DYNC2H1: variants seen among roughly 807,000 people sequenced by gnomAD.
The protein encoded by DYNC2H1 is cytoplasmic dynein 2 heavy chain 1.
A neutral mutation model predicts 570.0 loss-of-function variants in DYNC2H1; 410 were observed. The observed-to-expected ratio is 0.72, with a 90% CI of 0.66 to 0.78. The LOEUF is 0.78. Ranked by LOEUF, DYNC2H1 falls within the 30% of genes least tolerant of loss-of-function variation. DYNC2H1 has a pLI of 0.00. For missense variants in DYNC2H1, 4,865 were observed against 5,046.4 expected (o/e 0.96, Z 1.09); for synonymous variants, 1,688 against 1,677.6 (o/e 1.01, Z -0.15).
At chr11:103,153,613 A>T in intron 22 of DYNC2H1, 105 bp downstream of exon 22, 1 of 1,016,812 alleles carries the variant, frequency 9.8e-7, no homozygotes, top group Non-Finnish European at 1.4e-6. Context: ...TTCCTCATAA[A>T]CTTCATCACT....
At chr11:103,304,532 T>A (rs956083066) in intron 76 of DYNC2H1, 63 bp from the exon 77 acceptor site, 12 of 1,536,470 alleles carry the variant, frequency 7.8e-6, no homozygotes, top group Non-Finnish European at 9.7e-6. Context: ...AATCTCATAC[T>A]GTTATATTAC....
intron 34 of DYNC2H1, 23 bp from the exon 35 acceptor site, chr11:103,173,059 A>G (rs1455913610): frequency 6.2e-6 from 7 of 1,137,352 alleles, no homozygotes; most frequent in Non-Finnish European, 8.0e-6. Flanking sequence ...TATTTAAATT[A>G]ATATTTTTAA....
At chr11:103,296,070 C>T (rs1378825768) in intron 75 of DYNC2H1, among the ~76,000 whole-genome samples, 5 of 152,132 alleles carry the variant, frequency 3.3e-5, no homozygotes, top group African/African-American at 1.2e-4. Flanking sequence ...GCTGTGCTGC[C>T]TGTGGTTGGG....
chr11:103,113,700 T>C lies in DYNC2H1; in HGVS notation c.359T>C (p.Leu120Ser). 2 of 1,511,832 alleles carry C rather than the reference T, an allele frequency of 1.3e-6. No individual in the cohort carries two copies. Among genetic ancestry groups the C allele is most frequent in the Non-Finnish European group, 1.8e-6 (2 of 1,138,960 alleles). The allele number at this position is 1,511,832 out of a possible 1,614,324, so 93.7% of individuals were successfully genotyped here. A position where few individuals can be genotyped will look rare whatever the true frequency, so the allele number is the denominator to read the frequency against. The change falls in exon 2 of 89, where the codon TTG becomes TCG. Residue 120 changes from leucine (L) to serine (S), a missense_variant. This residue lies in a region of DYNC2H1 where 1,936 missense variants were observed against 1,962.1 expected (regional missense o/e 0.99). Coordinates refer to ENST00000375735, the MANE Select transcript of DYNC2H1 (RefSeq NM_001377.3). ...GTACGGCAAGTATTCGCACCAATGTTGTTAAAGGTGAGAAAAGAAGCTGTC... is the reference window on the plus strand; with the variant it reads ...GTACGGCAAGTATTCGCACCAATGTCGTTAAAGGTGAGAAAAGAAGCTGTC... ...QAVRQVFAPM[L>S]LKDQEWSRNF...
chr11:103,115,819 A>G lies in DYNC2H1; in HGVS notation c.621+524A>G, dbSNP rs1214764698. Among the ~76,000 whole-genome samples the G allele has an allele frequency of 3.9e-5, 6 of 152,224 alleles. No homozygotes were observed. The East Asian group carries it at 1.2e-3, about 29-fold the overall frequency. On this transcript the variant is annotated intron_variant, in intron 4 of 88. Coordinates refer to ENST00000375735, the MANE Select transcript of DYNC2H1 (RefSeq NM_001377.3). The stretch of plus-strand genomic sequence containing the variant: ...AACAAAAAACAAAAAAAACCCCAAA[A>G]TTACTTTTCTGCAGGTATATAGTGA...
In DYNC2H1 at chr11:103,145,377, T is replaced by C. The variant is rs1860188912; in HGVS notation, c.2702+1982T>C. ...GTTTAAAGTAAGGAAAAGATAGTGC[T>C]TTTGTAGTGCTTGCACATGGGGTTT... On this transcript the variant is annotated intron_variant, in intron 18 of 88. Coordinates refer to ENST00000375735, the MANE Select transcript of DYNC2H1 (RefSeq NM_001377.3). The surrounding 1 kb of genome is among the most constrained non-coding windows in gnomAD (Gnocchi z 4.2). Among the ~76,000 whole-genome samples, 1 of 152,170 alleles carries C rather than the reference T, an allele frequency of 6.6e-6. No homozygotes were observed. The highest frequency in any genetic ancestry group is 1.5e-5 in the Non-Finnish European group (1 of 68,032).
Position 103,257,720 on chromosome 11 carries a change from G to A in DYNC2H1, c.10574G>A (p.Arg3525Gln), listed in dbSNP as rs760508083. 9.4e-6 allele frequency: 15 copies of A among 1,603,512 alleles called. No individual in the cohort carries two copies. Among genetic ancestry groups the A allele is most frequent in the South Asian group, 2.2e-5 (2 of 89,230 alleles). ...CGTTTTAGTTTGGCTGCTTTTCTCC[G>A]ACTTTTCCAACGAGCTCTACAAAAC... is the stretch of plus-strand genomic sequence containing the variant. ...MYRFSLAAFL[R>Q]LFQRALQNKQ... The change falls in exon 69 of 89, where the codon CGA becomes CAA. Residue 3525 changes from arginine (R) to glutamine (Q), a missense_variant. By Grantham distance (43) the Arg-to-Gln change is conservative. This residue lies in a region of DYNC2H1 where 2,401 missense variants were observed against 2,454.6 expected (regional missense o/e 0.98). Coordinates refer to ENST00000375735, the MANE Select transcript of DYNC2H1 (RefSeq NM_001377.3).
At chr11:103,131,301 C>A (rs1859254080) in intron 13 of DYNC2H1, among the ~76,000 whole-genome samples, 1 of 148,988 alleles carries the variant, frequency 6.7e-6, no homozygotes, top group Non-Finnish European at 1.5e-5. Flanking sequence ...TCCCAATATT[C>A]TTTTTTTTTT....
chr11:103,203,639 A>T lies in DYNC2H1; in HGVS notation c.8198-24A>T. The T allele has an allele frequency of 7.0e-7, 1 of 1,422,282 alleles. No individual in the cohort carries two copies. The highest frequency in any genetic ancestry group is 9.6e-7 in the Non-Finnish European group (1 of 1,036,794). 88.1% of individuals were successfully genotyped at this position (1,422,282 alleles called of 1,614,324 possible). A position where few individuals can be genotyped will look rare whatever the true frequency, so the allele number is the denominator to read the frequency against. On this transcript the variant is annotated intron_variant, in intron 50 of 88. Transcript: ENST00000375735. This position sits in a 1 kb window ranked among gnomAD's most constrained non-coding sequence, Gnocchi z 4.7. ...AAGCATCATTTATTAAAATGTTTTC[A>T]ATTAGTCTAATATTTTTCTGTAGGT...
At chr11:103,258,110 T>C (rs748186744) in intron 69 of DYNC2H1, among the ~76,000 whole-genome samples, 2 of 152,208 alleles carry the variant, frequency 1.3e-5, no homozygotes, top group Non-Finnish European at 2.9e-5. Flanking sequence ...TATATATCCT[T>C]GTTGTTTAAG....
At chr11:103,417,422 G>A (rs1943326307) in intron 84 of DYNC2H1, among the ~76,000 whole-genome samples, 1 of 152,042 alleles carries the variant, frequency 6.6e-6, no homozygotes. Context: ...TTTTTAAAAA[G>A]CCAACAAAGA....
At chr11:103,389,638 C>G (rs1484482491) in intron 83 of DYNC2H1, among the ~76,000 whole-genome samples, 1 of 151,886 alleles carries the variant, frequency 6.6e-6, no homozygotes, top group Admixed American at 6.6e-5. Context: ...GCATTTAGTG[C>G]TATAAATTTC....
rs983462691 is a variant in DYNC2H1, at chr11:103,283,076, A to G, written c.10881A>G (p.Ala3627=). Residue 3627 remains alanine, a synonymous_variant, in exon 73 of 89, where the codon GCA becomes GCG. Coordinates refer to ENST00000375735, the MANE Select transcript of DYNC2H1 (RefSeq NM_001377.3). ...WIDQERSWAV[A]TLKIALPSLY... is the part of the protein sequence containing the mutation. ...ATCAGGAACGAAGCTGGGCCGTGGCAACATTAAAGGTATTCCTTTTCTACT... is the reference window on the plus strand; with the variant it reads ...ATCAGGAACGAAGCTGGGCCGTGGCGACATTAAAGGTATTCCTTTTCTACT... 2.5e-6 allele frequency: 4 copies of G among 1,606,570 alleles called. No homozygotes were observed. Among genetic ancestry groups the G allele is most frequent in the Admixed American group, 3.4e-5 (2 of 59,534 alleles).
chr11:103,374,247 G>C (rs571209334), intron 83 of DYNC2H1, among the ~76,000 whole-genome samples: 1 of 152,114 alleles, frequency 6.6e-6, no homozygotes, highest in Non-Finnish European at 1.5e-5. Context: ...TGAATCATGG[G>C]GGGTGGTTTT....
chr11:103,398,650 A>G (rs1942492825), intron 83 of DYNC2H1, among the ~76,000 whole-genome samples: 1 of 152,208 alleles, frequency 6.6e-6, no homozygotes, highest in Non-Finnish European at 1.5e-5. Context: ...TAGGTAAGAG[A>G]ATAGCACTTT....
At chr11:103,224,827 C>T (rs1163992730) in intron 59 of DYNC2H1, among the ~76,000 whole-genome samples, 6 of 152,222 alleles carry the variant, frequency 3.9e-5, no homozygotes, top group Non-Finnish European at 7.3e-5. Flanking sequence ...AATCTCCACA[C>T]TGTTTTCCAC....
chr11:103,224,270 A>G (rs758171015), intron 59 of DYNC2H1, among the ~76,000 whole-genome samples: 2 of 152,140 alleles, frequency 1.3e-5, no homozygotes, highest in African/African-American at 2.4e-5. Context: ...AAAAATTTCA[A>G]TAGGTTTTTG....
chr11:103,211,261 C>T (rs1437944857), intron 53 of DYNC2H1, among the ~76,000 whole-genome samples: 1 of 151,590 alleles, frequency 6.6e-6, no homozygotes, highest in East Asian at 1.9e-4. Context: ...TTCACTGGGG[C>T]AGGGAATACA....
chr11:103,459,729 G>A (rs1944937850), intron 87 of DYNC2H1, among the ~76,000 whole-genome samples: 1 of 151,264 alleles, frequency 6.6e-6, no homozygotes, highest in African/African-American at 2.4e-5. Flanking sequence ...GAGGCGGGTG[G>A]ATCATGAGGT....
Sources: allele counts gnomAD v4.1 joint callset (sites outside exome capture counted in the v4.1 genomes callset), GRCh38; gene constraint gnomAD v4.1.1; regional missense constraint gnomAD v4.1.1; non-coding constraint Gnocchi (gnomAD v3.1); transcripts MANE v1.5; gene names NCBI Gene and HGNC (gene_info 2026-07-23, HGNC 2026-07-21).